FYB1: variants seen among roughly 807,000 people sequenced by gnomAD.
The protein encoded by FYB1 is FYN binding protein 1.
FYB1 carries 41 observed loss-of-function variants against 94.1 expected under a neutral mutation model. The observed-to-expected ratio is 0.44, with a 90% CI of 0.34 to 0.57. The LOEUF (loss-of-function observed/expected upper bound fraction) is 0.57, where lower values mean the gene tolerates loss of function less well. FYB1 is among the 20% of genes least tolerant of loss of function. The pLI is 0.02. For missense variants in FYB1, 1,050 were observed against 976.8 expected, an observed-to-expected ratio of 1.07 and a Z score of -1.00; for synonymous variants, 367 against 353.2, an observed-to-expected ratio of 1.04 and a Z score of -0.44.
At chr5:39,165,613 A>G (rs1580435765) in intron 2 of FYB1, among the ~76,000 whole-genome samples, 1 of 152,230 alleles carries the variant, frequency 6.6e-6, no homozygotes, top group African/African-American at 2.4e-5. Flanking sequence ...AAAAGCAAAT[A>G]CAACAAAACC....
At chr5:39,212,061 T>C (rs1392712247) in intron 1 of FYB1, among the ~76,000 whole-genome samples, 1 of 152,170 alleles carries the variant, frequency 6.6e-6, no homozygotes, top group East Asian at 1.9e-4. Flanking sequence ...ATCCCAGCAA[T>C]TGGAGAAGCT....
At chr5:39,117,765 T>G (rs2150274910) in intron 16 of FYB1, among the ~76,000 whole-genome samples, 1 of 152,322 alleles carries the variant, frequency 6.6e-6, no homozygotes, top group East Asian at 1.9e-4. Context: ...ATGGGGCAGC[T>G]GTAGTGGCTA....
rs549339572 is a variant in FYB1, at chr5:39,107,544, G to T, written c.2468-79C>A. 5 of 923,750 alleles carry T rather than the reference G, an allele frequency of 5.4e-6. No homozygotes were observed. The East Asian group carries it at 8.6e-5, about 16-fold the overall frequency. 57.2% of individuals were successfully genotyped at this position (923,750 alleles called of 1,614,324 possible). Reference sequence around the variant, plus strand: ...GTATTCCAAGTTTGGAAATGTGGGTGATTCATACTCTCCTGGTTAAGGATT... The same window carrying T: ...GTATTCCAAGTTTGGAAATGTGGGTTATTCATACTCTCCTGGTTAAGGATT... On this transcript the variant is annotated intron_variant, in intron 18 of 18. Coordinates refer to ENST00000512982, the MANE Select transcript of FYB1 (RefSeq NM_001465.6).
intron 2 of FYB1, among the ~76,000 whole-genome samples, chr5:39,153,958 A>G (rs1323828932): frequency 3.3e-5 from 5 of 151,884 alleles, no homozygotes; most frequent in Non-Finnish European, 7.4e-5. Context: ...TTAAAATGTT[A>G]TACTTTTTGT....
chr5:39,113,845 T>G (rs955247817), intron 16 of FYB1, among the ~76,000 whole-genome samples: 1 of 152,102 alleles, frequency 6.6e-6, no homozygotes, highest in African/African-American at 2.4e-5. Context: ...AAAATGCTCA[T>G]AGTATAATAA....
intron 1 of FYB1, among the ~76,000 whole-genome samples, chr5:39,241,731 C>A (rs1256460389): frequency 1.3e-5 from 2 of 152,072 alleles, no homozygotes; most frequent in Non-Finnish European, 2.9e-5. Flanking sequence ...TGATACAGAC[C>A]ACTCCTAGTG....
intron 12 of FYB1, among the ~76,000 whole-genome samples, chr5:39,125,557 G>T (rs1740581119): frequency 4.6e-5 from 7 of 152,086 alleles, no homozygotes; most frequent in Admixed American, 2.6e-4. Context: ...CTATTAAAAA[G>T]AATGTATATT....
At chr5:39,264,545 T>C (rs527903531) in intron 1 of FYB1, among the ~76,000 whole-genome samples, 6 of 152,330 alleles carry the variant, frequency 3.9e-5, no homozygotes, top group Non-Finnish European at 8.8e-5. Flanking sequence ...CTTCTTCTCT[T>C]GCCTATTCTC....
At chr5:39,124,313 C>A (rs1024713884) in intron 12 of FYB1, 35 bp from the exon 13 acceptor site, 7 of 1,467,828 alleles carry the variant, frequency 4.8e-6, no homozygotes, top group Non-Finnish European at 6.4e-6. Flanking sequence ...TATAATCAGA[C>A]TAACATGAAC....
At chr5:39,204,967 G>C (rs1748711774) in intron 1 of FYB1, among the ~76,000 whole-genome samples, 1 of 152,140 alleles carries the variant, frequency 6.6e-6, no homozygotes, top group Non-Finnish European at 1.5e-5. Flanking sequence ...AATTCCTGAA[G>C]GCAAGAGGCA....
chr5:39,201,981 C>T lies in FYB1; in HGVS notation c.980G>A (p.Gly327Asp), dbSNP rs753253847. 9.3e-6 allele frequency: 15 copies of T among 1,614,020 alleles called. No homozygotes were observed. The highest frequency in any genetic ancestry group is 1.3e-5 in the Non-Finnish European group (15 of 1,179,892). Reference protein sequence around the residue: ...PSKLTVGGPWGQSQEKEKGDK... With the variant: ...PSKLTVGGPWDQSQEKEKGDK... ...TCCCTTTTCCTTTTCCTGACTTTGGCCCCATGGCCCCCCCACTGTCAGCTT... is the reference window on the plus strand; with the variant it reads ...TCCCTTTTCCTTTTCCTGACTTTGGTCCCATGGCCCCCCCACTGTCAGCTT... The change falls in exon 2 of 19, where the codon GGC (glycine) becomes GAC (aspartate). Residue 327 changes from glycine to aspartate, a missense_variant. By Grantham distance (94) the Gly-to-Asp change is moderately conservative. Transcript: ENST00000512982.
intron 1 of FYB1, among the ~76,000 whole-genome samples, chr5:39,272,952 G>C (rs1018255371): frequency 4.6e-5 from 7 of 152,128 alleles, no homozygotes; most frequent in Non-Finnish European, 7.4e-5. Flanking sequence ...ATATATTTAA[G>C]AAAAGTATTT....
intron 2 of FYB1, among the ~76,000 whole-genome samples, chr5:39,172,458 T>C (rs1255838962): frequency 4.7e-5 from 7 of 148,988 alleles, no homozygotes; most frequent in Admixed American, 4.0e-4. Context: ...AAAAAAAAAA[T>C]AGTAATTTCA....
intron 1 of FYB1, among the ~76,000 whole-genome samples, chr5:39,251,873 A>G (rs1579786695): frequency 6.6e-6 from 1 of 152,180 alleles, no homozygotes; most frequent in South Asian, 2.1e-4. Context: ...GGCCGGGTGC[A>G]GCGGCTCACA....
chr5:39,222,178 A>G (rs1193614458), upstream of FYB1, among the ~76,000 whole-genome samples: 1 of 151,518 alleles, frequency 6.6e-6, no homozygotes, highest in Non-Finnish European at 1.5e-5. Context: ...TCTCCTTTTG[A>G]ACTTTGTCCC....
At chr5:39,140,433 T>G (rs1742068509) in intron 4 of FYB1, among the ~76,000 whole-genome samples, 1 of 152,180 alleles carries the variant, frequency 6.6e-6, no homozygotes, top group South Asian at 2.1e-4. Flanking sequence ...AGATATAATT[T>G]GATTCACATA....
intron 1 of FYB1, among the ~76,000 whole-genome samples, chr5:39,207,572 C>A (rs1748971325): frequency 6.6e-6 from 1 of 152,182 alleles, no homozygotes; most frequent in Non-Finnish European, 1.5e-5. Context: ...GAAGGACAGA[C>A]ATCCCATCTT....
At chr5:39,115,087 T>C (rs1241946098) in intron 16 of FYB1, among the ~76,000 whole-genome samples, 5 of 142,786 alleles carry the variant, frequency 3.5e-5, no homozygotes, top group African/African-American at 1.3e-4. Context: ...CATAGTAGGA[T>C]GAAACACATA....
chr5:39,110,212 G>T (rs536878500), intron 17 of FYB1, 144 bp downstream of exon 17: 6 of 489,396 alleles, frequency 1.2e-5, no homozygotes, highest in Non-Finnish European at 1.8e-5. Flanking sequence ...ATACTAACAT[G>T]TTAACGTTAG....
Sources: gnomAD v4.1 joint callset for allele counts (sites outside exome capture counted in the v4.1 genomes callset) on GRCh38, gnomAD v4.1.1 for gene constraint, MANE v1.5 for transcripts, NCBI Gene and HGNC (gene_info 2026-07-23, HGNC 2026-07-21) for gene names.